Variants in PCSK6 observed in about 807,000 individuals in gnomAD.
The protein encoded by PCSK6 is paired basic amino acid cleaving enzyme 4.
A neutral mutation model predicts 123.3 loss-of-function variants in PCSK6; 85 were observed. The observed-to-expected ratio is 0.69, with a 90% CI of 0.58 to 0.83. PCSK6 has a LOEUF of 0.83. Ranked by LOEUF, PCSK6 falls within the 40% of genes least tolerant of loss-of-function variation. The pLI is 0.00. For synonymous variants in PCSK6, 508 were observed against 516.0 expected (o/e 0.98, Z 0.21); for missense variants, 1,191 against 1,282.3 (o/e 0.93, Z 1.09).
intron 1 of PCSK6, among the ~76,000 whole-genome samples, chr15:101,482,520 T>C (rs1219408270): frequency 6.6e-6 from 1 of 152,074 alleles, no homozygotes; most frequent in Non-Finnish European, 1.5e-5. Flanking sequence ...TGCCACAATC[T>C]GTGTAGAGGC....
At chr15:101,407,266 CA>C (rs758059571) in intron 6 of PCSK6, among the ~76,000 whole-genome samples, 2 of 152,210 alleles carry the variant, frequency 1.3e-5, no homozygotes, top group African/African-American at 4.8e-5. Context: ...TCTGCCAAGG[CA>C]GTTGAGAAGA....
chr15:101,481,989 C>T (rs899027018), intron 1 of PCSK6, among the ~76,000 whole-genome samples: 4 of 152,156 alleles, frequency 2.6e-5, no homozygotes, highest in South Asian at 2.1e-4. Flanking sequence ...TGAGTCTGTG[C>T]GCGTTCACGC....
At chr15:101,383,533 T>C (rs541870547) in intron 10 of PCSK6, among the ~76,000 whole-genome samples, 2 of 152,232 alleles carry the variant, frequency 1.3e-5, no homozygotes, top group South Asian at 2.1e-4. Context: ...GTTGATTTCA[T>C]GGTACCTAGG....
chr15:101,475,574 C>T (rs1205840168), intron 1 of PCSK6, among the ~76,000 whole-genome samples: 1 of 152,126 alleles, frequency 6.6e-6, no homozygotes. Flanking sequence ...ACTCCTCAAC[C>T]TCCTGGGCTC....
Position 101,313,390 on chromosome 15 carries a change from G to A in PCSK6, c.2685C>T (p.His895=), listed in dbSNP as rs551305215. Residue 895 remains histidine (H), a synonymous_variant, in exon 20 of 22, where the codon CAC becomes CAT. Coordinates refer to ENST00000611716, the MANE Select transcript of PCSK6 (RefSeq NM_002570.5). ...FYPEEMPGLP[H]KVCRRCDENC... is the part of the protein sequence containing the mutation. ...GAGGACCGTACCTTCGACACACTTT[G>A]TGGGGCAAGCCCGGCATCTCTTCTG... 5.0e-6 allele frequency: 8 copies of A among 1,612,772 alleles called. No individual in the cohort carries two copies. The South Asian group carries it at 8.8e-5, about 18-fold the overall frequency.
At chr15:101,340,380 G>A (rs2040574059) in intron 13 of PCSK6, among the ~76,000 whole-genome samples, 1 of 152,160 alleles carries the variant, frequency 6.6e-6, no homozygotes, top group Non-Finnish European at 1.5e-5. Flanking sequence ...ATCCTTTCGG[G>A]AAAGAATGAT....
At chr15:101,329,883 G>C (rs1018529911) in intron 15 of PCSK6, among the ~76,000 whole-genome samples, 2 of 152,080 alleles carry the variant, frequency 1.3e-5, no homozygotes, top group African/African-American at 4.8e-5. Flanking sequence ...CCCCATCCTC[G>C]CTGGTTTCAT....
intron 1 of PCSK6, among the ~76,000 whole-genome samples, chr15:101,474,558 C>T (rs1309724076): frequency 1.3e-5 from 2 of 152,180 alleles, no homozygotes; most frequent in Non-Finnish European, 2.9e-5. Flanking sequence ...CTAATGGCAT[C>T]GAGGATTGCT....
rs114249302 is a variant in PCSK6, at chr15:101,443,690, T to G, written c.298-30A>C. 1,659 of 1,519,228 alleles carry G rather than the reference T, an allele frequency of 1.1e-3. 17 individuals are homozygous for G. The African/African-American group carries it at 0.02, about 18-fold the overall frequency. The allele number at this position is 1,519,228 out of a possible 1,614,324, so 94.1% of individuals were successfully genotyped here. A position where few individuals can be genotyped will look rare whatever the true frequency, so the allele number is the denominator to read the frequency against. On this transcript the variant is annotated intron_variant, in intron 1 of 21. Transcript: ENST00000611716. ...AAGACAAGAAGCAGAATGCCATCAA[T>G]TAATAGTCTCACGAACAGCTTCCAA...
chr15:101,326,678 T>C (rs2040262329), intron 15 of PCSK6, among the ~76,000 whole-genome samples, 199 bp from the exon 16 acceptor site: 1 of 152,158 alleles, frequency 6.6e-6, no homozygotes, highest in Non-Finnish European at 1.5e-5. Flanking sequence ...CTCGCTGGGC[T>C]CCAGTGTCAG....
At chr15:101,412,329 C>T (rs534558388) in intron 6 of PCSK6, among the ~76,000 whole-genome samples, 85 of 152,038 alleles carry the variant, frequency 5.6e-4, no homozygotes, top group Non-Finnish European at 1.1e-3. Flanking sequence ...AGACAATCAC[C>T]GATGCCAACA....
chr15:101,411,917 C>T (rs1367632038), intron 6 of PCSK6, among the ~76,000 whole-genome samples: 1 of 152,214 alleles, frequency 6.6e-6, no homozygotes, highest in African/African-American at 2.4e-5. Flanking sequence ...CCAACCACAC[C>T]CAGCAGTAAC....
intron 11 of PCSK6, among the ~76,000 whole-genome samples, chr15:101,376,375 G>A (rs749820226): frequency 1.1e-4 from 17 of 152,196 alleles, no homozygotes; most frequent in Admixed American, 9.8e-4. Context: ...GAAAACACAC[G>A]GGTAAGACAA....
intron 7 of PCSK6, among the ~76,000 whole-genome samples, chr15:101,394,412 A>G (rs59102055): frequency 0.019 from 2,877 of 152,240 alleles, 103 homozygotes; most frequent in African/African-American, 0.066. Context: ...ACTGAGAATC[A>G]TTCCAGCCAC....
rs145850398 is a variant in PCSK6, at chr15:101,399,061, C to A, written c.824-485G>T. 8.3e-3 allele frequency among the ~76,000 whole-genome samples: 1,256 copies of A among 152,226 alleles called. 19 individuals are homozygous for A. Among genetic ancestry groups the A allele is most frequent in the African/African-American group, 0.029 (1,195 of 41,536 alleles). On this transcript the variant is annotated intron_variant, in intron 6 of 21. Transcript: ENST00000611716. ...GGGACTACAGGCACATACCACCATG[C>A]CTGGCTAACTTTTATTTTTAATAGA...
At chr15:101,489,160 C>A (rs1191450490) in intron 1 of PCSK6, among the ~76,000 whole-genome samples, 3 of 75,184 alleles carry the variant, frequency 4.0e-5, no homozygotes, top group Non-Finnish European at 8.6e-5. Flanking sequence ...GGACCCCAGT[C>A]CCCCCCACCC....
intron 6 of PCSK6, among the ~76,000 whole-genome samples, chr15:101,409,828 G>A (rs2042893820): frequency 6.6e-6 from 1 of 152,202 alleles, no homozygotes; most frequent in African/African-American, 2.4e-5. Context: ...TCCCCAGCAA[G>A]CTTTTCTCAA....
At chr15:101,350,902 A>C (rs2040872727) in intron 13 of PCSK6, among the ~76,000 whole-genome samples, 1 of 152,270 alleles carries the variant, frequency 6.6e-6, no homozygotes, top group South Asian at 2.1e-4. Flanking sequence ...ACATTTTCAG[A>C]ACCTTTGTGA....
chr15:101,386,445 G>A (rs6598459), intron 9 of PCSK6, among the ~76,000 whole-genome samples: 30,610 of 152,018 alleles, frequency 0.2, 3,969 homozygotes, highest in African/African-American at 0.38. Flanking sequence ...CTCTGGTACC[G>A]CCACACCCAC....
Sources: allele counts gnomAD v4.1 joint callset (sites outside exome capture counted in the v4.1 genomes callset), GRCh38; gene constraint gnomAD v4.1.1; transcripts MANE v1.5; gene names NCBI Gene and HGNC (gene_info 2026-07-23, HGNC 2026-07-21).